Variants in KATNAL1 observed in about 807,000 individuals in gnomAD.
KATNAL1 encodes the protein katanin p60 ATPase-containing subunit A-like 1.
In KATNAL1, 32 loss-of-function variants were observed where a neutral mutation model predicts 55.2. The observed-to-expected ratio is 0.58, with a 90% CI of 0.44 to 0.78. The LOEUF (loss-of-function observed/expected upper bound fraction) is 0.78. Ranked by LOEUF, KATNAL1 falls within the 30% of genes least tolerant of loss-of-function variation. The pLI is 0.00. For synonymous variants in KATNAL1, 193 were observed against 193.6 expected (o/e 1.00, Z 0.02); for missense variants, 466 against 600.9 (o/e 0.78, Z 2.35).
At chr13:30,216,582 G>A (rs1489023003) in intron 9 of KATNAL1, among the ~76,000 whole-genome samples, 2 of 152,274 alleles carry the variant, frequency 1.3e-5, no homozygotes, top group South Asian at 2.1e-4. Flanking sequence ...CTAATCCCAG[G>A]AGCCCCCATC....
intron 3 of KATNAL1, among the ~76,000 whole-genome samples, chr13:30,277,494 T>C (rs1249378452): frequency 6.6e-6 from 1 of 152,226 alleles, no homozygotes; most frequent in African/African-American, 2.4e-5. Flanking sequence ...CCAATGACTG[T>C]TATCTAACAT....
intron 1 of KATNAL1, among the ~76,000 whole-genome samples, chr13:30,286,651 C>T (rs1239497741): frequency 2.0e-5 from 3 of 152,234 alleles, no homozygotes; most frequent in African/African-American, 7.2e-5. Context: ...TGAGTCCCCA[C>T]TAGGGCACTG....
chr13:30,279,677 T>A (rs529085868), intron 3 of KATNAL1, among the ~76,000 whole-genome samples: 1 of 152,292 alleles, frequency 6.6e-6, no homozygotes, highest in African/African-American at 2.4e-5. Flanking sequence ...AAATTGACTG[T>A]AGGCCCAACT....
At chr13:30,307,237 G>A (rs1337290387) in intron 1 of KATNAL1, 94 bp downstream of exon 1, 1 of 152,278 alleles carries the variant, frequency 6.6e-6, no homozygotes, top group African/African-American at 2.4e-5. Flanking sequence ...CACTGCCCTG[G>A]CGTCTCCGGC....
At chr13:30,261,229 G>A (rs1879260170) in intron 3 of KATNAL1, among the ~76,000 whole-genome samples, 1 of 151,966 alleles carries the variant, frequency 6.6e-6, no homozygotes, top group Non-Finnish European at 1.5e-5. Context: ...CACTAAACAT[G>A]GAAAGGAACA....
chr13:30,247,658 G>C (rs1282360230), intron 4 of KATNAL1, among the ~76,000 whole-genome samples: 2 of 152,188 alleles, frequency 1.3e-5, no homozygotes, highest in Non-Finnish European at 2.9e-5. Flanking sequence ...AGAAAGAAAT[G>C]AGAGGAGGGG....
At chr13:30,226,824 C>A (rs1875522521) in intron 9 of KATNAL1, among the ~76,000 whole-genome samples, 2 of 152,258 alleles carry the variant, frequency 1.3e-5, no homozygotes, top group South Asian at 4.1e-4. Context: ...CACCGGTAAT[C>A]CCAGCACTTT....
chr13:30,276,438 G>C (rs970768013), intron 3 of KATNAL1, among the ~76,000 whole-genome samples: 22 of 151,124 alleles, frequency 1.5e-4, no homozygotes, highest in Non-Finnish European at 2.1e-4. Context: ...TACCAAATTA[G>C]TGGCTAATGC....
chr13:30,219,095 A>G (rs1307427564), intron 9 of KATNAL1, among the ~76,000 whole-genome samples: 1 of 152,166 alleles, frequency 6.6e-6, no homozygotes, highest in African/African-American at 2.4e-5. Context: ...TGTTTCTTAT[A>G]ATCTTTGCCT....
chr13:30,229,942 G>T (rs1288094145), intron 8 of KATNAL1, among the ~76,000 whole-genome samples: 1 of 103,674 alleles, frequency 9.6e-6, no homozygotes, highest in African/African-American at 3.2e-5. Context: ...AAAAAAAGAA[G>T]AGGGGCTTTT....
At chr13:30,261,334 C>T (rs1279302887) in intron 3 of KATNAL1, among the ~76,000 whole-genome samples, 2 of 151,480 alleles carry the variant, frequency 1.3e-5, no homozygotes, top group Non-Finnish European at 2.9e-5. Context: ...AACCAGCTAA[C>T]ATCATAATGA....
chr13:30,266,012 CAAAAAAAAAAAAAAAA>C (rs776557665), intron 3 of KATNAL1, among the ~76,000 whole-genome samples: 1 of 35,360 alleles, frequency 2.8e-5, no homozygotes, highest in South Asian at 1.4e-3. Context: ...AACTCCATCT[CAAAAAAAAAAAAAAAA>C]AAAAAAAAGT....
chr13:30,254,538 G>T (rs576694805), intron 4 of KATNAL1, among the ~76,000 whole-genome samples: 1 of 152,222 alleles, frequency 6.6e-6, no homozygotes, highest in South Asian at 2.1e-4. Flanking sequence ...TAAGACCTAG[G>T]AAGTTGGTCT....
At chr13:30,233,607 A>AC (rs1005151744) in intron 6 of KATNAL1, among the ~76,000 whole-genome samples, 1 of 151,408 alleles carries the variant, frequency 6.6e-6, no homozygotes, top group African/African-American at 2.4e-5. Flanking sequence ...ACAAAAAAAA[A>AC]AAAAGAAATC....
intron 3 of KATNAL1, among the ~76,000 whole-genome samples, chr13:30,273,038 T>C (rs1880501711): frequency 6.6e-6 from 1 of 152,210 alleles, no homozygotes; most frequent in South Asian, 2.1e-4. Flanking sequence ...ACATGTGCAT[T>C]AGATCCCATC....
At chr13:30,287,434 C>T (rs979371404) in intron 1 of KATNAL1, among the ~76,000 whole-genome samples, 9 of 152,318 alleles carry the variant, frequency 5.9e-5, no homozygotes, top group Admixed American at 1.3e-4. Context: ...AGGTGCCTTC[C>T]GCCATGATTG....
chr13:30,258,647 TATC>T (rs1424868101), intron 3 of KATNAL1, among the ~76,000 whole-genome samples: 1 of 152,220 alleles, frequency 6.6e-6, no homozygotes, highest in South Asian at 2.1e-4. Context: ...ATCATGATGA[TATC>T]CCTCCCATGT....
At chr13:30,217,409 G>A (rs543233782) in intron 9 of KATNAL1, among the ~76,000 whole-genome samples, 220 of 152,212 alleles carry the variant, frequency 1.4e-3, no homozygotes, top group African/African-American at 4.8e-3. Flanking sequence ...AGCTGAGATC[G>A]CGCCACTGCA....
chr13:30,283,031 A>G (rs1283396010), intron 2 of KATNAL1, among the ~76,000 whole-genome samples: 1 of 151,512 alleles, frequency 6.6e-6, no homozygotes, highest in African/African-American at 2.4e-5. Context: ...GCACTTTGGG[A>G]GGCTGAGGTG....
Sources: allele counts gnomAD v4.1 joint callset (sites outside exome capture counted in the v4.1 genomes callset), GRCh38; gene constraint gnomAD v4.1.1; transcripts MANE v1.5; gene names NCBI Gene and HGNC (gene_info 2026-07-23, HGNC 2026-07-21).